MPHOSPH10: variants seen among roughly 807,000 people sequenced by gnomAD.
The protein encoded by MPHOSPH10 is U3 small nucleolar ribonucleoprotein MPP10.
Under a neutral mutation model 77.3 loss-of-function variants are expected in MPHOSPH10, and 33 were observed. That is an observed-to-expected ratio of 0.43 (90% CI 0.32 to 0.57). MPHOSPH10 has a LOEUF of 0.57. MPHOSPH10 is among the 20% of genes least tolerant of loss of function. MPHOSPH10 has a pLI of 0.07. For missense variants in MPHOSPH10, 708 were observed against 780.1 expected, an observed-to-expected ratio of 0.91 and a Z score of 1.10; for synonymous variants, 245 against 268.0, an observed-to-expected ratio of 0.91 and a Z score of 0.84.
At chr2:71,130,898 C>A in intron 1 of MPHOSPH10, 144 bp downstream of exon 1, 1 of 733,146 alleles carries the variant, frequency 1.4e-6, no homozygotes, top group Non-Finnish European at 2.2e-6. Context: ...TTATGCTTTC[C>A]TAGGCTATCA....
chr2:71,133,597 A>G (rs757272167), intron 2 of MPHOSPH10, 21 bp downstream of exon 2: 6 of 1,429,190 alleles, frequency 4.2e-6, no homozygotes, highest in African/African-American at 2.2e-5. Context: ...GAGAGAAGAG[A>G]GAGCACTTTC....
Position 71,141,243 on chromosome 2 carries a change from T to C in MPHOSPH10, c.1320T>C (p.Asp440=). The change falls in exon 7 of 11, where the codon GAT becomes GAC. Residue 440 remains aspartate (D), a synonymous_variant. Coordinates refer to ENST00000244230, the MANE Select transcript of MPHOSPH10 (RefSeq NM_005791.3). ...ACTTTATGTTTCAGGCTTGGGATGA[T>C]GTAGTACGTAAAGAAAAACCTAAAG... is the stretch of plus-strand genomic sequence containing the variant. ...KQRIRDQAWD[D]VVRKEKPKED... is the part of the protein sequence containing the mutation. The C allele has an allele frequency of 6.6e-7, 1 of 1,512,206 alleles. No homozygotes were observed. The allele number at this position is 1,512,206 out of a possible 1,614,324, so 93.7% of individuals were successfully genotyped here. A position where few individuals can be genotyped will look rare whatever the true frequency, so the allele number is the denominator to read the frequency against.
At chr2:71,149,796 G>A (rs747409984) in intron 10 of MPHOSPH10, 70 bp from the exon 11 acceptor site, 44 of 1,279,880 alleles carry the variant, frequency 3.4e-5, no homozygotes, top group Non-Finnish European at 4.7e-5. Context: ...TAATGGTGAT[G>A]TACTATTTTT....
intron 7 of MPHOSPH10, among the ~76,000 whole-genome samples, chr2:71,141,758 G>A (rs1673618150): frequency 3.3e-5 from 5 of 152,128 alleles, no homozygotes; most frequent in Admixed American, 3.3e-4. Context: ...GGCTGGGTAT[G>A]GTGGCTCACA....
At chr2:71,136,601 A>T (rs1289114586) in intron 4 of MPHOSPH10, among the ~76,000 whole-genome samples, 1 of 152,132 alleles carries the variant, frequency 6.6e-6, no homozygotes, top group African/African-American at 2.4e-5. Flanking sequence ...TAAGAATCTG[A>T]ATTAAATCCA....
At chr2:71,136,712 G>A (rs981579626) in intron 4 of MPHOSPH10, among the ~76,000 whole-genome samples, 2 of 151,780 alleles carry the variant, frequency 1.3e-5, no homozygotes, top group South Asian at 2.1e-4. Context: ...CACTCCTCCC[G>A]CCCTTCCCCA....
At chr2:71,138,749 A>G in intron 5 of MPHOSPH10, 118 bp downstream of exon 5, 1 of 1,409,994 alleles carries the variant, frequency 7.1e-7, no homozygotes. Context: ...ACTTGTAAAC[A>G]CATGGCTTGG....
At chr2:71,131,117 G>C (rs1673368547) in intron 1 of MPHOSPH10, among the ~76,000 whole-genome samples, 2 of 152,120 alleles carry the variant, frequency 1.3e-5, no homozygotes, top group Admixed American at 6.5e-5. Context: ...GTACGAACTT[G>C]TCACTTGTCT....
At chr2:71,146,883 T>C (rs1272395938) in intron 8 of MPHOSPH10, among the ~76,000 whole-genome samples, 3 of 152,208 alleles carry the variant, frequency 2.0e-5, no homozygotes, top group East Asian at 3.8e-4. Flanking sequence ...GAAAGAATGC[T>C]AATGTAACTG....
chr2:71,134,182 G>A (rs1673442362), intron 3 of MPHOSPH10, 77 bp downstream of exon 3: 2 of 1,401,570 alleles, frequency 1.4e-6, no homozygotes, highest in Non-Finnish European at 1.9e-6. Context: ...GTTATCAAAT[G>A]TGTTTGTCTT....
At chr2:71,130,809 G>A in intron 1 of MPHOSPH10, 55 bp downstream of exon 1, 1 of 1,518,530 alleles carries the variant, frequency 6.6e-7, no homozygotes, top group Non-Finnish European at 9.0e-7. Flanking sequence ...GTGGACGCGG[G>A]TTGCAGGCCT....
Position 71,133,495 on chromosome 2 carries a change from G to T in MPHOSPH10, c.687G>T (p.Glu229Asp), listed in dbSNP as rs1813160. ...KEEERKDDNDEEEEDIDFFED... is the reference protein window; with the variant it reads ...KEEERKDDNDDEEEDIDFFED... ...AGGAACGAAAAGATGATAATGATGAGGAGGAGGAAGATATTGATTTTTTTG... is the reference window on the plus strand; with the variant it reads ...AGGAACGAAAAGATGATAATGATGATGAGGAGGAAGATATTGATTTTTTTG... The change falls in exon 2 of 11, where the codon GAG becomes GAT. Residue 229 changes from glutamate (E) to aspartate (D), a missense_variant. Coordinates refer to ENST00000244230, the MANE Select transcript of MPHOSPH10 (RefSeq NM_005791.3). The T allele has an allele frequency of 0.32, 509,319 of 1,607,748 alleles. 81,702 individuals are homozygous for T. Among genetic ancestry groups the T allele is most frequent in the Admixed American group, 0.42 (25,063 of 59,830 alleles).
chr2:71,140,110 T>G (rs1343279726), intron 6 of MPHOSPH10, among the ~76,000 whole-genome samples: 1 of 152,188 alleles, frequency 6.6e-6, no homozygotes, highest in East Asian at 1.9e-4. Context: ...GCTGACCTTT[T>G]GGGCGGTGCT....
intron 9 of MPHOSPH10, chr2:71,148,780 C>T (rs983332873): frequency 1.1e-5 from 2 of 184,824 alleles, no homozygotes; most frequent in African/African-American, 4.8e-5. Flanking sequence ...AATTGATCCT[C>T]ACTAGAGAGA....
At position 71,148,021 on chromosome 2, in the gene MPHOSPH10, T is replaced by C. The variant is rs776421457; in HGVS notation, c.1580T>C (p.Val527Ala). 1.2e-6 allele frequency: 2 copies of C among 1,614,160 alleles called. No homozygotes were observed. Among genetic ancestry groups the C allele is most frequent in the Non-Finnish European group, 1.7e-6 (2 of 1,179,984 alleles). Residue 527 changes from valine to alanine, a missense_variant, in exon 9 of 11, where the codon GTG (valine) becomes GCG (alanine). Val to Ala is a moderately conservative substitution (Grantham distance 64). This residue lies in a region of MPHOSPH10 where 263 missense variants were observed against 320.0 expected (regional missense o/e 0.82). Transcript: ENST00000244230. ...PKPPVPEIKV[V>A]SNLPAITMEE... The stretch of plus-strand genomic sequence containing the variant: ...TAGCCTGTACCAGAGATTAAAGTTG[T>C]GTCAAATCTGCCAGCCATAACCATG...
Position 71,134,022 on chromosome 2 carries a change from T to C in MPHOSPH10, c.843T>C (p.Asn281=). The C allele has an allele frequency of 1.9e-6, 3 of 1,609,654 alleles. No homozygotes were observed. The highest frequency in any genetic ancestry group is 1.7e-5 in the Admixed American group (1 of 59,510). The change falls in exon 3 of 11, where the codon AAT becomes AAC. Residue 281 remains asparagine (N), a synonymous_variant. Transcript: ENST00000244230. Reference sequence around the variant, plus strand: ...TTGAAAGTGATGAAGACATAACAAATGTTCATGATGATGAGCTGGATTCAA... The same window carrying C: ...TTGAAAGTGATGAAGACATAACAAACGTTCATGATGATGAGCTGGATTCAA... ...DPVESDEDIT[N]VHDDELDSNK...
intron 7 of MPHOSPH10, 104 bp from the exon 8 acceptor site, chr2:71,144,324 C>T: frequency 1.2e-6 from 1 of 850,748 alleles, no homozygotes; most frequent in South Asian, 1.8e-5. Context: ...GTAGCTGAAG[C>T]TTTAGTGATG....
rs768698423 is a variant in MPHOSPH10, at chr2:71,132,892, C to T, written c.90-6C>T. ...ATTCTAAATCTCACTTAATTCCTCC[C>T]AATAGGATTCAAGAGGGATTGGCAT... is the stretch of plus-strand genomic sequence containing the variant. On this transcript the variant is annotated splice_polypyrimidine_tract_variant and splice_region_variant and intron_variant, in intron 1 of 10. Transcript: ENST00000244230. 4 of 1,589,498 alleles carry T rather than the reference C, an allele frequency of 2.5e-6. No individual in the cohort carries two copies.
At chr2:71,132,780 A>G in intron 1 of MPHOSPH10, 118 bp from the exon 2 acceptor site, 1 of 1,320,462 alleles carries the variant, frequency 7.6e-7, no homozygotes, top group Non-Finnish European at 1.0e-6. Flanking sequence ...GCCAGAATCT[A>G]TACTTATACT....
Sources: allele counts gnomAD v4.1 joint callset (sites outside exome capture counted in the v4.1 genomes callset), GRCh38; gene constraint gnomAD v4.1.1; regional missense constraint gnomAD v4.1.1; transcripts MANE v1.5; gene names NCBI Gene and HGNC (gene_info 2026-07-23, HGNC 2026-07-21).